Variants in NR3C1 observed in about 807,000 individuals in gnomAD.
NR3C1 encodes the protein nuclear receptor subfamily 3 group C member 1.
A neutral mutation model predicts 74.0 loss-of-function variants in NR3C1; 14 were observed. That is an observed-to-expected ratio of 0.19 (90% CI 0.12 to 0.30). NR3C1 has a LOEUF of 0.30. Among genes scored for constraint, NR3C1 ranks in the 10% least tolerant of loss-of-function variants. The pLI is 1.00. For missense variants in NR3C1, 695 were observed against 909.8 expected (o/e 0.76, Z 3.04); for synonymous variants, 308 against 332.5 (o/e 0.93, Z 0.80).
At chr5:143,432,834 C>G (rs565354497) in intron 1 of NR3C1, among the ~76,000 whole-genome samples, 6 of 152,212 alleles carry the variant, frequency 3.9e-5, no homozygotes, top group East Asian at 1.9e-4. Context: ...AGAGGCTCCT[C>G]CCACCGGGAT....
chr5:143,351,880 C>T (rs914904208), intron 2 of NR3C1, among the ~76,000 whole-genome samples: 15 of 152,302 alleles, frequency 9.8e-5, no homozygotes, highest in African/African-American at 3.6e-4. Context: ...ACCTATACTA[C>T]AAGCTAGTTG....
intron 1 of NR3C1, among the ~76,000 whole-genome samples, chr5:143,421,874 T>G (rs1751251804): frequency 6.6e-6 from 1 of 152,166 alleles, no homozygotes; most frequent in African/African-American, 2.4e-5. Flanking sequence ...CTTACTTGCT[T>G]TTGTGGACAC....
At chr5:143,404,786 T>G (rs1400716364), upstream of NR3C1, 1 of 156,880 alleles carries the variant, frequency 6.4e-6, no homozygotes, top group African/African-American at 2.4e-5. Flanking sequence ...CCGAAACTCC[T>G]GACCTCTTCT....
At chr5:143,370,963 A>G (rs899642841) in intron 2 of NR3C1, among the ~76,000 whole-genome samples, 2 of 152,240 alleles carry the variant, frequency 1.3e-5, no homozygotes, top group African/African-American at 4.8e-5. Context: ...TTAAATTTTC[A>G]TGGATTATCT....
chr5:143,314,254 G>C, intron 2 of NR3C1, 86 bp from the exon 3 acceptor site: 1 of 1,416,474 alleles, frequency 7.1e-7, no homozygotes, highest in Non-Finnish European at 9.8e-7. Context: ...TTCATAGTCA[G>C]AATGCTCACA....
chr5:143,285,893 T>TGC (rs1814306262), intron 7 of NR3C1, among the ~76,000 whole-genome samples: 1 of 135,444 alleles, frequency 7.4e-6, no homozygotes, highest in African/African-American at 2.8e-5. Flanking sequence ...AGAACATGCA[T>TGC]AAACAACAAC....
chr5:143,346,288 C>T (rs778388649), intron 2 of NR3C1, among the ~76,000 whole-genome samples: 1 of 152,178 alleles, frequency 6.6e-6, no homozygotes, highest in Non-Finnish European at 1.5e-5. Flanking sequence ...CTTAGAATTC[C>T]ATGGTATCTG....
chr5:143,415,152 A>G (rs1841434736), intron 1 of NR3C1, among the ~76,000 whole-genome samples: 1 of 152,252 alleles, frequency 6.6e-6, no homozygotes, highest in Admixed American at 6.5e-5. Flanking sequence ...AAATGTATAA[A>G]GGTAAAAACT....
intron 2 of NR3C1, among the ~76,000 whole-genome samples, chr5:143,397,880 T>C (rs1839517992): frequency 6.6e-6 from 1 of 151,926 alleles, no homozygotes; most frequent in Non-Finnish European, 1.5e-5. Context: ...CCAGATTTTA[T>C]AGGGTTTAAA....
chr5:143,398,356 GTTTTT>G (rs35241746), intron 2 of NR3C1, among the ~76,000 whole-genome samples: 24 of 85,332 alleles, frequency 2.8e-4, no homozygotes, highest in Non-Finnish European at 5.0e-4. Flanking sequence ...AGGTTTTTTG[GTTTTT>G]TTTTTTTTTT....
At chr5:143,334,199 T>C (rs1477216880) in intron 2 of NR3C1, among the ~76,000 whole-genome samples, 1 of 151,976 alleles carries the variant, frequency 6.6e-6, no homozygotes, top group Non-Finnish European at 1.5e-5. Context: ...CTGACCAACA[T>C]GGAGAAATGC....
intron 2 of NR3C1, among the ~76,000 whole-genome samples, chr5:143,377,708 CTA>C (rs1298099745): frequency 2.0e-5 from 3 of 152,208 alleles, no homozygotes; most frequent in African/African-American, 7.2e-5. Context: ...ATTTTTATGG[CTA>C]TCTCTTTATG....
At position 143,361,057 on chromosome 5, in the gene NR3C1, C is replaced by G. The variant is rs554082424; in HGVS notation, c.1184+38599G>C. ...AGGACAATTCTGAATTAAGCATTCTCCTGTCAACAACTAGAGAGTCTACTG... is the reference window on the plus strand; with the variant it reads ...AGGACAATTCTGAATTAAGCATTCTGCTGTCAACAACTAGAGAGTCTACTG... On this transcript the variant is annotated intron_variant, in intron 2 of 8. Transcript: ENST00000394464. 2.6e-5 allele frequency among the ~76,000 whole-genome samples: 4 copies of G among 152,332 alleles called. No individual in the cohort carries two copies. In the South Asian group the frequency reaches 8.3e-4, roughly 32 times the overall value.
chr5:143,332,970 G>A (rs1826312148), intron 2 of NR3C1: 2 of 1,586,586 alleles, frequency 1.3e-6, no homozygotes, highest in Non-Finnish European at 1.7e-6. Flanking sequence ...ACGTGGACAA[G>A]CCAAGGTCAA....
At chr5:143,311,432 C>T (rs897082020) in intron 3 of NR3C1, among the ~76,000 whole-genome samples, 45 of 152,164 alleles carry the variant, frequency 3.0e-4, no homozygotes, top group African/African-American at 1.1e-3. Context: ...ATGTCTTGTG[C>T]ACAGCTAAGA....
intron 1 of NR3C1, among the ~76,000 whole-genome samples, chr5:143,421,380 C>T (rs1304860227): frequency 6.6e-6 from 1 of 152,174 alleles, no homozygotes; most frequent in Non-Finnish European, 1.5e-5. Flanking sequence ...TCTGGTTCTG[C>T]TGCTTGTTAG....
chr5:143,289,585 T>A (rs887892160), intron 7 of NR3C1, among the ~76,000 whole-genome samples: 12 of 152,314 alleles, frequency 7.9e-5, no homozygotes, highest in African/African-American at 1.9e-4. Flanking sequence ...TACATTTTTT[T>A]AAGAAAACTG....
At chr5:143,434,403 C>G in intron 1 of NR3C1, 1 of 318,960 alleles carries the variant, frequency 3.1e-6, no homozygotes, top group Non-Finnish European at 4.5e-6. Context: ...TTTAAACTAT[C>G]CAGCACACAA....
At chr5:143,316,794 AG>A (rs1267712729) in intron 2 of NR3C1, among the ~76,000 whole-genome samples, 4 of 152,180 alleles carry the variant, frequency 2.6e-5, no homozygotes, top group African/African-American at 9.7e-5. Context: ...TTTCTTTTTC[AG>A]GAACACTGAA....
Sources: gnomAD v4.1 joint callset for allele counts (sites outside exome capture counted in the v4.1 genomes callset) on GRCh38, gnomAD v4.1.1 for gene constraint, MANE v1.5 for transcripts, NCBI Gene and HGNC (gene_info 2026-07-23, HGNC 2026-07-21) for gene names.